The following FLT1 variants were observed in gnomAD, a reference collection of about 807,000 sequenced individuals.
FLT1 encodes the protein vascular endothelial growth factor receptor 1.
A neutral mutation model predicts 156.3 loss-of-function variants in FLT1; 49 were observed. The observed-to-expected ratio is 0.31, with a 90% CI of 0.25 to 0.40. The LOEUF (loss-of-function observed/expected upper bound fraction) is 0.40. Ranked by LOEUF, FLT1 falls within the 10% of genes least tolerant of loss-of-function variation. The pLI is 1.00. For missense variants in FLT1, 1,322 were observed against 1,637.2 expected (o/e 0.81, Z 3.32); for synonymous variants, 594 against 583.8 (o/e 1.02, Z -0.25).
Position 28,303,268 on chromosome 13 carries a change from T to C in FLT1, c.3916A>G (p.Arg1306Gly), listed in dbSNP as rs1485765345. ...AGCTCAGCGTGGTCGTAGGTGAACC[T>C]GCGCTTGCCTTCGCTGACGTGCCCA... ...SCGHVSEGKR[R>G]FTYDHAELER... The change falls in exon 30 of 30, where the codon AGG becomes GGG. Residue 1306 changes from arginine to glycine, a missense_variant. Transcript: ENST00000282397. 6.2e-7 allele frequency: 1 copy of C among 1,614,032 alleles called. No homozygotes were observed. The highest frequency in any genetic ancestry group is 1.7e-5 in the Admixed American group (1 of 60,022).
chr13:28,429,260 G>A (rs1161412910), intron 8 of FLT1, among the ~76,000 whole-genome samples: 1 of 152,102 alleles, frequency 6.6e-6, no homozygotes, highest in Admixed American at 6.6e-5. Flanking sequence ...GCCCTCATAT[G>A]ACATTGAAAG....
intron 1 of FLT1, among the ~76,000 whole-genome samples, chr13:28,479,918 A>G (rs1365927049): frequency 6.6e-6 from 1 of 152,256 alleles, no homozygotes; most frequent in Non-Finnish European, 1.5e-5. Context: ...CAGCTTTAAA[A>G]TAACTTATGA....
At chr13:28,455,138 A>G (rs1879188211) in intron 3 of FLT1, among the ~76,000 whole-genome samples, 1 of 152,232 alleles carries the variant, frequency 6.6e-6, no homozygotes, top group African/African-American at 2.4e-5. Flanking sequence ...CTTTGTGGAT[A>G]TGGACAAACT....
chr13:28,319,607 G>A (rs977853876), intron 23 of FLT1, 73 bp from the exon 24 acceptor site: 19 of 837,552 alleles, frequency 2.3e-5, no homozygotes, highest in Non-Finnish European at 3.7e-5. Context: ...TGTCCATGGG[G>A]TCACCTCCCA....
At chr13:28,454,002 G>A (rs956550238) in intron 3 of FLT1, among the ~76,000 whole-genome samples, 3 of 152,104 alleles carry the variant, frequency 2.0e-5, no homozygotes, top group African/African-American at 7.2e-5. Context: ...CCTGAAAAGT[G>A]AGGAAGAGTG....
rs563639812 is a variant in FLT1, at chr13:28,477,956, G to A, written c.65-10339C>T. On this transcript the variant is annotated intron_variant, in intron 1 of 29. Transcript: ENST00000282397. ...TTCAATAAACACACTCAATGTATGTGAGACTAAATATACAGGTGGCTTAGT... is the reference window on the plus strand; with the variant it reads ...TTCAATAAACACACTCAATGTATGTAAGACTAAATATACAGGTGGCTTAGT... Among the ~76,000 whole-genome samples, 135 of 152,320 alleles carry A rather than the reference G, an allele frequency of 8.9e-4. 1 individual carries two copies. The highest frequency in any genetic ancestry group is 3.1e-3 in the African/African-American group (128 of 41,574).
intron 14 of FLT1, among the ~76,000 whole-genome samples, chr13:28,383,198 C>T (rs149597928): frequency 1.1e-3 from 173 of 151,756 alleles, no homozygotes; most frequent in African/African-American, 3.5e-3. Context: ...CAGCCCACAG[C>T]GAGACTCCAT....
Position 28,386,854 on chromosome 13 carries a change from A to G in FLT1, c.1970-1823T>C, listed in dbSNP as rs144541267. On this transcript the variant is annotated intron_variant, in intron 13 of 29. Transcript: ENST00000282397. The stretch of plus-strand genomic sequence containing the variant: ...TTGAAATATCTCATTTAAAACTCAG[A>G]CCCAATTCACTGAGTTATACTTTTA... 7.1e-5 allele frequency: 75 copies of G among 1,049,630 alleles called. No homozygotes were observed. In the African/African-American group the frequency reaches 1.1e-3, roughly 15 times the overall value. 65.0% of individuals were successfully genotyped at this position (1,049,630 alleles called of 1,614,324 possible).
chr13:28,389,088 A>T (rs1874542319), intron 13 of FLT1: 1 of 1,064,286 alleles, frequency 9.4e-7, no homozygotes, highest in Non-Finnish European at 1.1e-6. Context: ...TTACACCAAC[A>T]TCTTGCACCC....
chr13:28,450,110 A>G (rs1263971240), intron 3 of FLT1, among the ~76,000 whole-genome samples: 1 of 152,238 alleles, frequency 6.6e-6, no homozygotes, highest in Non-Finnish European at 1.5e-5. Context: ...AGGTGAAATC[A>G]GGACGTATTA....
At chr13:28,357,801 T>A in intron 14 of FLT1, 116 bp from the exon 15 acceptor site, 1 of 928,842 alleles carries the variant, frequency 1.1e-6, no homozygotes, top group Non-Finnish European at 1.8e-6. Flanking sequence ...ATCCGAGCTC[T>A]AGTGAACCTG....
chr13:28,306,296 G>A (rs1870744809), intron 29 of FLT1, among the ~76,000 whole-genome samples: 1 of 152,196 alleles, frequency 6.6e-6, no homozygotes, highest in Admixed American at 6.5e-5. Flanking sequence ...ACAGTACTGT[G>A]TCTCCTCGTG....
At chr13:28,486,659 C>T (rs912343534) in intron 1 of FLT1, among the ~76,000 whole-genome samples, 10 of 152,234 alleles carry the variant, frequency 6.6e-5, no homozygotes, top group Non-Finnish European at 1.2e-4. Flanking sequence ...GTACCTCACT[C>T]GGCAAAACAG....
intron 15 of FLT1, among the ~76,000 whole-genome samples, chr13:28,351,723 C>G (rs944693623): frequency 1.3e-5 from 2 of 152,178 alleles, no homozygotes; most frequent in Non-Finnish European, 2.9e-5. Flanking sequence ...GACGTTAGTT[C>G]TGGAACACAT....
chr13:28,420,899 C>T (rs1485898243), intron 10 of FLT1, among the ~76,000 whole-genome samples: 1 of 152,120 alleles, frequency 6.6e-6, no homozygotes. Context: ...CTGACGTAAA[C>T]AATAGAGAAA....
At chr13:28,309,354 T>G (rs1488259865) in intron 27 of FLT1, among the ~76,000 whole-genome samples, 1 of 114,208 alleles carries the variant, frequency 8.8e-6, no homozygotes, top group Non-Finnish European at 1.9e-5. Context: ...TATTATTTAA[T>G]GGCATAATCG....
chr13:28,383,643 C>T (rs1874176829), intron 14 of FLT1, among the ~76,000 whole-genome samples: 2 of 150,194 alleles, frequency 1.3e-5, no homozygotes, highest in South Asian at 4.2e-4. Context: ...GCCTGGGCGA[C>T]AGAGCGAGAC....
intron 3 of FLT1, among the ~76,000 whole-genome samples, chr13:28,462,980 C>T (rs529299031): frequency 4.6e-5 from 7 of 152,230 alleles, no homozygotes; most frequent in African/African-American, 1.7e-4. Context: ...CCCATGACTC[C>T]CCACAGAGCC....
At chr13:28,458,564 G>C (rs1311455192) in intron 3 of FLT1, among the ~76,000 whole-genome samples, 1 of 152,192 alleles carries the variant, frequency 6.6e-6, no homozygotes, top group African/African-American at 2.4e-5. Context: ...TCTGGGGCAG[G>C]GGCCAAAGAG....
Sources: gnomAD v4.1 joint callset for allele counts (sites outside exome capture counted in the v4.1 genomes callset) on GRCh38, gnomAD v4.1.1 for gene constraint, MANE v1.5 for transcripts, NCBI Gene and HGNC (gene_info 2026-07-23, HGNC 2026-07-21) for gene names.